MIPOL1: variants seen among roughly 807,000 people sequenced by gnomAD.
MIPOL1 encodes the protein mirror-image polydactyly gene 1 protein.
Under a neutral mutation model 60.9 loss-of-function variants are expected in MIPOL1, and 57 were observed. The ratio of observed to expected loss-of-function variants is 0.94; its 90% confidence interval spans 0.76 to 1.17. The LOEUF (loss-of-function observed/expected upper bound fraction) is 1.17, where lower values mean the gene tolerates loss of function less well. Among genes scored for constraint, MIPOL1 ranks in the 50% most tolerant of loss-of-function variants. MIPOL1 has a pLI of 0.00. For missense variants in MIPOL1, 551 were observed against 511.6 expected (o/e 1.08, Z -0.74); for synonymous variants, 179 against 168.8 (o/e 1.06, Z -0.47).
At chr14:37,255,988 G>A (rs899340517) in intron 3 of MIPOL1, among the ~76,000 whole-genome samples, 1 of 151,612 alleles carries the variant, frequency 6.6e-6, no homozygotes, top group Admixed American at 6.6e-5. Context: ...CAATGTTTTT[G>A]CTACTCAATA....
At chr14:37,433,671 T>C (rs2094114480) in intron 11 of MIPOL1, among the ~76,000 whole-genome samples, 1 of 152,172 alleles carries the variant, frequency 6.6e-6, no homozygotes, top group Non-Finnish European at 1.5e-5. Flanking sequence ...TTCTTCTGCC[T>C]CAGCCTCCCA....
chr14:37,273,102 C>A (rs2083412715), intron 6 of MIPOL1, among the ~76,000 whole-genome samples: 6 of 150,834 alleles, frequency 4.0e-5, no homozygotes, highest in Admixed American at 3.3e-4. Context: ...AGTTATGATA[C>A]ATTTATAATT....
At chr14:37,309,622 C>T (rs914599080) in intron 9 of MIPOL1, among the ~76,000 whole-genome samples, 3 of 151,948 alleles carry the variant, frequency 2.0e-5, no homozygotes, top group Non-Finnish European at 2.9e-5. Flanking sequence ...CAATGTCAAG[C>T]TTCCCGCTTT....
chr14:37,518,519 G>C (rs1421693889), intron 12 of MIPOL1, among the ~76,000 whole-genome samples: 1 of 152,082 alleles, frequency 6.6e-6, no homozygotes, highest in Non-Finnish European at 1.5e-5. Context: ...ATTTTTAGTA[G>C]AGATGGGTTT....
At chr14:37,226,829 T>A (rs574358030) in intron 1 of MIPOL1, among the ~76,000 whole-genome samples, 1 of 152,320 alleles carries the variant, frequency 6.6e-6, no homozygotes, top group South Asian at 2.1e-4. Context: ...GTGTTTTACC[T>A]TTCAGCTAAC....
chr14:37,447,927 A>C (rs1566622321), intron 11 of MIPOL1, among the ~76,000 whole-genome samples: 1 of 152,132 alleles, frequency 6.6e-6, no homozygotes, highest in Non-Finnish European at 1.5e-5. Context: ...AGGTGAACTA[A>C]AGAGATCAAA....
rs554026024 is a variant in MIPOL1 at position 37,334,626 on chromosome 14, A to G, written c.828+26107A>G. On this transcript the variant is annotated intron_variant, in intron 9 of 12. Transcript: ENST00000684589. ...TTTTAGAACATTTTTATCAACCCCAAAAGAACCCCTGTACCCATTAATAGA... is the reference window on the plus strand; with the variant it reads ...TTTTAGAACATTTTTATCAACCCCAGAAGAACCCCTGTACCCATTAATAGA... Among the ~76,000 whole-genome samples, 253 of 152,072 alleles carry G rather than the reference A, an allele frequency of 1.7e-3. 1 individual carries two copies. The highest frequency in any genetic ancestry group is 5.8e-3 in the African/African-American group (239 of 41,552).
chr14:37,390,754 G>T (rs1370828793), intron 10 of MIPOL1, among the ~76,000 whole-genome samples: 7 of 151,966 alleles, frequency 4.6e-5, no homozygotes, highest in Admixed American at 3.9e-4. Context: ...AAAGGAATTT[G>T]GGGAGAGGAG....
chr14:37,409,273 G>T (rs970599295), intron 10 of MIPOL1, among the ~76,000 whole-genome samples: 10 of 151,916 alleles, frequency 6.6e-5, no homozygotes, highest in African/African-American at 9.7e-5. Context: ...AAACAATAAA[G>T]TCATCTAAAG....
chr14:37,449,847 C>G (rs544554420), intron 11 of MIPOL1, among the ~76,000 whole-genome samples: 1 of 152,122 alleles, frequency 6.6e-6, no homozygotes, highest in Admixed American at 6.5e-5. Flanking sequence ...GAGTGTCACT[C>G]TGTTGCCCAG....
At chr14:37,366,548 G>T (rs1314049637) in intron 9 of MIPOL1, among the ~76,000 whole-genome samples, 1 of 151,856 alleles carries the variant, frequency 6.6e-6, no homozygotes, top group Non-Finnish European at 1.5e-5. Context: ...AATGTTTTAA[G>T]ACTTGTTTTG....
intron 12 of MIPOL1, among the ~76,000 whole-genome samples, chr14:37,516,159 A>G (rs1054499490): frequency 3.9e-5 from 6 of 152,212 alleles, no homozygotes; most frequent in Admixed American, 2.0e-4. Flanking sequence ...TTTGGTGAAT[A>G]CTAATAGATC....
chr14:37,328,215 A>G (rs190834044), intron 9 of MIPOL1, among the ~76,000 whole-genome samples: 1 of 152,046 alleles, frequency 6.6e-6, no homozygotes, highest in Admixed American at 6.6e-5. Context: ...GGGTTTCACC[A>G]TGTTGGCCAG....
intron 11 of MIPOL1, among the ~76,000 whole-genome samples, chr14:37,458,648 G>A (rs571655732): frequency 7.9e-5 from 12 of 151,514 alleles, no homozygotes; most frequent in South Asian, 2.1e-4. Flanking sequence ...GGGAAACCCC[G>A]TCTCTACTAA....
intron 12 of MIPOL1, among the ~76,000 whole-genome samples, chr14:37,514,721 A>G (rs1280812795): frequency 1.3e-5 from 2 of 151,588 alleles, no homozygotes; most frequent in Non-Finnish European, 2.9e-5. Context: ...TCCCGAGTTC[A>G]TGCGATTCTC....
chr14:37,402,751 A>G (rs1464754741), intron 10 of MIPOL1, among the ~76,000 whole-genome samples: 1 of 152,214 alleles, frequency 6.6e-6, no homozygotes, highest in Non-Finnish European at 1.5e-5. Context: ...ATATATTGCC[A>G]TTAGTTTTTT....
At chr14:37,313,068 T>G (rs10220291) in intron 9 of MIPOL1, among the ~76,000 whole-genome samples, 81,087 of 152,034 alleles carry the variant, frequency 0.53, 24,299 homozygotes, top group Non-Finnish European at 0.66. Flanking sequence ...AATTTTCACT[T>G]TAGTCAAATA....
At chr14:37,296,075 G>A (rs1024545569) in intron 7 of MIPOL1, among the ~76,000 whole-genome samples, 7 of 152,268 alleles carry the variant, frequency 4.6e-5, no homozygotes, top group Middle Eastern at 3.4e-3. Flanking sequence ...CTCAGCAAAT[G>A]TAAAAGAACA....
At chr14:37,248,831 A>G (rs896797214) in intron 3 of MIPOL1, among the ~76,000 whole-genome samples, 1 of 152,104 alleles carries the variant, frequency 6.6e-6, no homozygotes. Flanking sequence ...AGACACATAT[A>G]TGAGACAGAG....
Sources: allele counts gnomAD v4.1 joint callset (sites outside exome capture counted in the v4.1 genomes callset), GRCh38; gene constraint gnomAD v4.1.1; transcripts MANE v1.5; gene names NCBI Gene and HGNC (gene_info 2026-07-23, HGNC 2026-07-21).